MOBP: variants seen among roughly 807,000 people sequenced by gnomAD.
MOBP encodes myelin associated oligodendrocyte basic protein.
In MOBP, 5 loss-of-function variants were observed where a neutral mutation model predicts 15.0. The ratio of observed to expected loss-of-function variants is 0.33; its 90% CI spans 0.17 to 0.70. MOBP has a LOEUF of 0.70. Ranked by LOEUF, MOBP falls within the 30% of genes least tolerant of loss-of-function variation. The pLI is 0.67. For synonymous variants in MOBP, 88 were observed against 99.0 expected (o/e 0.89, Z 0.66); for missense variants, 188 against 257.8 (o/e 0.73, Z 1.85).
At position 39,497,037 on chromosome 3, in the gene MOBP, A is replaced by T. The variant is rs572142950; in HGVS notation, c.-4-5029A>T. Among the ~76,000 whole-genome samples the T allele has an allele frequency of 5.3e-5, 8 of 152,152 alleles. No homozygotes were observed. The East Asian group carries it at 1.5e-3, about 29-fold the overall frequency. On this transcript the variant is annotated intron_variant, in intron 2 of 3. Transcript: ENST00000684792. ...AGCCTGGTCTCGAACTCCTGACCTC[A>T]AGTAATCTGTCTGCCTCGGCCTCCC...
At chr3:39,513,034 C>G (rs1482209394) in intron 4 of MOBP, among the ~76,000 whole-genome samples, 1 of 152,138 alleles carries the variant, frequency 6.6e-6, no homozygotes, top group Non-Finnish European at 1.5e-5. Context: ...CACATCTTTA[C>G]GTCTATAAGT....
intron 4 of MOBP, among the ~76,000 whole-genome samples, chr3:39,512,115 T>C (rs1457184237): frequency 6.6e-6 from 1 of 152,226 alleles, no homozygotes; most frequent in Non-Finnish European, 1.5e-5. Flanking sequence ...CTCAATTGCC[T>C]TCCCTGGTTG....
At chr3:39,489,728 C>G (rs531497808) in intron 2 of MOBP, among the ~76,000 whole-genome samples, 72 of 152,144 alleles carry the variant, frequency 4.7e-4, no homozygotes, top group African/African-American at 1.7e-3. Context: ...AGAGTGCTAC[C>G]TCTGGAGGTG....
chr3:39,526,476 G>T (rs1049137420), downstream of MOBP: 1 of 152,140 alleles, frequency 6.6e-6, no homozygotes. Flanking sequence ...TTTAAGGATT[G>T]GTTCTGAGGA....
chr3:39,472,248 A>T (rs917448157), intron 1 of MOBP, among the ~76,000 whole-genome samples: 6 of 152,100 alleles, frequency 3.9e-5, no homozygotes, highest in Admixed American at 3.3e-4. Flanking sequence ...TTTTGTTTTC[A>T]TTTTTTGCAG....
At chr3:39,493,261 G>A (rs1210738595) in intron 2 of MOBP, among the ~76,000 whole-genome samples, 1 of 152,210 alleles carries the variant, frequency 6.6e-6, no homozygotes, top group Non-Finnish European at 1.5e-5. Flanking sequence ...TAGATACTAT[G>A]ACACTAGTGG....
intron 2 of MOBP, chr3:39,499,665 C>A (rs1391330655): frequency 5.2e-6 from 1 of 193,750 alleles, no homozygotes. Flanking sequence ...CATTGTGTCT[C>A]AGACCCATGA....
At chr3:39,496,290 C>G (rs1475626631) in intron 2 of MOBP, among the ~76,000 whole-genome samples, 1 of 150,206 alleles carries the variant, frequency 6.7e-6, no homozygotes, top group African/African-American at 2.5e-5. Flanking sequence ...GCTCTGCCTC[C>G]CAGGTTCACG....
chr3:39,513,496 A>G (rs2043148560), exon 5 of MOBP: 1 of 1,447,574 alleles, frequency 6.9e-7, no homozygotes, highest in Non-Finnish European at 9.6e-7. Context: ...CTACCCCTGG[A>G]TGAAGTTATC....
rs1310108761 is a variant in MOBP at position 39,502,229 on chromosome 3, C to G, written c.160C>G (p.Gln54Glu). 4 of 1,614,078 alleles carry G rather than the reference C, an allele frequency of 2.5e-6. No homozygotes were observed. The highest frequency in any genetic ancestry group is 3.4e-6 in the Non-Finnish European group (4 of 1,180,032). Residue 54 changes from glutamine (Q) to glutamate (E), a missense_variant, in exon 3 of 4, where the codon CAG becomes GAG. This residue lies in a region of MOBP where 133 missense variants were observed against 212.5 expected (regional missense o/e 0.63). Transcript: ENST00000684792. The surrounding 1 kb of genome is among the most constrained non-coding windows in gnomAD (Gnocchi z 6.3). ...CATCTGTAAGAGCGGCTGCTTCTAC[C>G]AGAAGAAAGAGGAGGACTGGATCTG... Reference protein sequence around the residue: ...YSICKSGCFYQKKEEDWICCA... With the variant: ...YSICKSGCFYEKKEEDWICCA...
intron 1 of MOBP, among the ~76,000 whole-genome samples, chr3:39,474,419 G>A (rs995878588): frequency 2.8e-4 from 43 of 152,168 alleles, no homozygotes; most frequent in African/African-American, 9.4e-4. Context: ...TTGTGTGAAC[G>A]TCATAGAGTG....
At chr3:39,500,073 C>T in intron 2 of MOBP, 1 of 456,184 alleles carries the variant, frequency 2.2e-6, no homozygotes. Flanking sequence ...ACAAGGTGAG[C>T]TCATTGTGAG....
chr3:39,469,446 A>ATTTTAATTT (rs1225326894), intron 1 of MOBP, among the ~76,000 whole-genome samples: 1 of 100,348 alleles, frequency 1.0e-5, no homozygotes, highest in African/African-American at 3.4e-5. Flanking sequence ...AATTAAAATT[A>ATTTTAATTT]GAAAATTACT....
At chr3:39,520,978 G>C (rs1319862657), downstream of MOBP, among the ~76,000 whole-genome samples, 6 of 148,592 alleles carry the variant, frequency 4.0e-5, no homozygotes, top group Non-Finnish European at 7.4e-5. Flanking sequence ...ACAGAGTCTT[G>C]CTCTGTTACT....
At chr3:39,508,551 A>ATTTT (rs10681564) in intron 4 of MOBP, among the ~76,000 whole-genome samples, 7 of 135,254 alleles carry the variant, frequency 5.2e-5, no homozygotes, top group African/African-American at 1.4e-4. Flanking sequence ...ATATTGTTGC[A>ATTTT]TTTTTTTTTT....
downstream of MOBP, chr3:39,527,260 A>G (rs915259288): frequency 6.6e-6 from 1 of 152,196 alleles, no homozygotes; most frequent in Non-Finnish European, 1.5e-5. Context: ...GTTTACTACT[A>G]AAATTTGTGC....
intron 2 of MOBP, among the ~76,000 whole-genome samples, chr3:39,500,833 A>G (rs554236229): frequency 1.3e-5 from 2 of 152,354 alleles, no homozygotes; most frequent in African/African-American, 4.8e-5. Context: ...CTTTCTGGGA[A>G]AAATACAAAA....
chr3:39,511,640 A>G (rs760195557), intron 4 of MOBP, among the ~76,000 whole-genome samples: 4 of 152,158 alleles, frequency 2.6e-5, no homozygotes, highest in Non-Finnish European at 5.9e-5. Context: ...TGATACTTCC[A>G]CTGCTATAAT....
At chr3:39,513,320 AAG>A in intron 4 of MOBP, 6 of 1,425,932 alleles carry the variant, frequency 4.2e-6, no homozygotes, top group South Asian at 2.3e-5. Flanking sequence ...AACACAGAGA[AAG>A]AGAGAGAGTA....
Sources: gnomAD v4.1 joint callset for allele counts (sites outside exome capture counted in the v4.1 genomes callset) on GRCh38, gnomAD v4.1.1 for gene constraint, gnomAD v4.1.1 regional missense constraint, Gnocchi (gnomAD v3.1) non-coding constraint, MANE v1.5 for transcripts, NCBI Gene and HGNC (gene_info 2026-07-23, HGNC 2026-07-21) for gene names.